Variants in SVIL observed in about 807,000 individuals in gnomAD.
The protein encoded by SVIL is supervillin.
A neutral mutation model predicts 240.4 loss-of-function variants in SVIL; 101 were observed. That is an observed-to-expected ratio of 0.42 (90% CI 0.36 to 0.50). The LOEUF is 0.50. SVIL is among the 20% of genes least tolerant of loss of function. The pLI, the probability that SVIL is intolerant of heterozygous loss-of-function variation, is 0.01. For missense variants in SVIL, 2,512 were observed against 2,818.7 expected, an observed-to-expected ratio of 0.89 and a Z score of 2.46; for synonymous variants, 999 against 1,100.0, an observed-to-expected ratio of 0.91 and a Z score of 1.82.
chr10:29,715,756 G>A (rs1963575981), intron 1 of SVIL, among the ~76,000 whole-genome samples: 1 of 152,182 alleles, frequency 6.6e-6, no homozygotes, highest in African/African-American at 2.4e-5. Flanking sequence ...AGTGCCATGG[G>A]ACAAGGCAAG....
chr10:29,458,583 C>G lies in SVIL; in HGVS notation c.6409G>C (p.Glu2137Gln). Residue 2137 changes from glutamate (E) to glutamine (Q), a missense_variant, in exon 37 of 38, where the codon GAA becomes CAA. Coordinates refer to ENST00000355867, the MANE Select transcript of SVIL (RefSeq NM_021738.3). ...ACGAGGGTGATCTGATTGGAAACTTCCGTGTCCTAGAGAAGAGGAGGGGGC... is the reference window on the plus strand; with the variant it reads ...ACGAGGGTGATCTGATTGGAAACTTGCGTGTCCTAGAGAAGAGGAGGGGGC... ...DIAEITEMDTEVSNQITLVED... is the reference protein window; with the variant it reads ...DIAEITEMDTQVSNQITLVED... 6.2e-7 allele frequency: 1 copy of G among 1,612,458 alleles called. No homozygotes were observed. The highest frequency in any genetic ancestry group is 8.5e-7 in the Non-Finnish European group (1 of 1,179,432).
rs186129603 is a variant in SVIL at position 29,693,507 on chromosome 10, G to A, written c.-399-6856C>T. ...ATTTAAACTTTGCGTTGAAAGGGCA[G>A]TAAGTTCCTAGAGATGCCTGGAAAA... is the stretch of plus-strand genomic sequence containing the variant. On this transcript the variant is annotated intron_variant, in intron 1 of 35. Coordinates refer to the SVIL transcript ENST00000375400. Among the ~76,000 whole-genome samples the A allele has an allele frequency of 2.5e-3, 381 of 152,296 alleles. 2 individuals carry two copies. Among genetic ancestry groups the A allele is most frequent in the African/African-American group, 8.8e-3 (364 of 41,554 alleles).
chr10:29,605,013 T>C (rs939894700), intron 1 of SVIL, among the ~76,000 whole-genome samples: 1 of 152,252 alleles, frequency 6.6e-6, no homozygotes, highest in African/African-American at 2.4e-5. Context: ...GCGGGAATAC[T>C]GTTATTTGTT....
intron 29 of SVIL, among the ~76,000 whole-genome samples, chr10:29,478,717 T>C (rs958743750): frequency 4.0e-5 from 6 of 151,806 alleles, no homozygotes; most frequent in Non-Finnish European, 7.4e-5. Flanking sequence ...GCCCAGGAGT[T>C]TGAGACCAGC....
At chr10:29,466,056 GACAT>G (rs1319687334) in intron 33 of SVIL, among the ~76,000 whole-genome samples, 5 of 151,862 alleles carry the variant, frequency 3.3e-5, no homozygotes, top group Non-Finnish European at 4.4e-5. Context: ...TACATGAAGG[GACAT>G]ACATAAGGAA....
At chr10:29,514,784 A>G (rs1177359448) in intron 16 of SVIL, among the ~76,000 whole-genome samples, 1 of 152,234 alleles carries the variant, frequency 6.6e-6, no homozygotes, top group African/African-American at 2.4e-5. Flanking sequence ...GGAACTGGTC[A>G]GATGATCTCT....
Position 29,529,745 on chromosome 10 carries a change from T to A in SVIL, c.2206A>T (p.Thr736Ser). 3 of 1,613,386 alleles carry A rather than the reference T, an allele frequency of 1.9e-6. No homozygotes were observed. Among genetic ancestry groups the A allele is most frequent in the Non-Finnish European group, 1.7e-6 (2 of 1,179,706 alleles). Residue 736 changes from threonine to serine, a missense_variant, in exon 12 of 38, where the codon ACC (threonine) becomes TCC (serine). By Grantham distance (58) the Thr-to-Ser change is moderately conservative. Transcript: ENST00000355867. ...ACCTCTTCAGTGGTGATGGGCTGGG[T>A]GAGGGACCTGTCCTGCAGACGGCGT... ...RLRRLQDRSLTQPITTEEVVI... is the reference protein window; with the variant it reads ...RLRRLQDRSLSQPITTEEVVI...
chr10:29,553,440 G>A (rs1953575580), intron 5 of SVIL, among the ~76,000 whole-genome samples: 1 of 152,120 alleles, frequency 6.6e-6, no homozygotes, highest in Non-Finnish European at 1.5e-5. Flanking sequence ...AATTAGCCCG[G>A]TATGGTGGCG....
intron 3 of SVIL, among the ~76,000 whole-genome samples, chr10:29,656,098 T>C (rs1267899527): frequency 6.6e-6 from 1 of 151,910 alleles, no homozygotes; most frequent in African/African-American, 2.4e-5. Flanking sequence ...CTCGATCTCC[T>C]GACCTCATGA....
chr10:29,691,474 G>C (rs1026886743), intron 1 of SVIL, among the ~76,000 whole-genome samples: 2 of 152,184 alleles, frequency 1.3e-5, no homozygotes, highest in Non-Finnish European at 2.9e-5. Context: ...GCCTCCCAAA[G>C]TGCTGGGATT....
chr10:29,496,462 G>T (rs1425940155), intron 18 of SVIL: 1 of 453,456 alleles, frequency 2.2e-6, no homozygotes. Flanking sequence ...TAACTCCGCA[G>T]CTAATGAACA....
At chr10:29,600,840 G>T (rs1956784815) in intron 1 of SVIL, among the ~76,000 whole-genome samples, 1 of 152,096 alleles carries the variant, frequency 6.6e-6, no homozygotes, top group African/African-American at 2.4e-5. Context: ...CTCTTCAAGG[G>T]ACCCGTGCTA....
intron 27 of SVIL, chr10:29,483,143 G>T (rs959059640): frequency 1.3e-5 from 2 of 152,172 alleles, no homozygotes; most frequent in African/African-American, 4.8e-5. Flanking sequence ...CTGAATGACT[G>T]TTTGTTATGT....
At chr10:29,601,650 G>A (rs1184658756) in intron 1 of SVIL, among the ~76,000 whole-genome samples, 1 of 152,218 alleles carries the variant, frequency 6.6e-6, no homozygotes, top group Non-Finnish European at 1.5e-5. Context: ...GAGAGTAAGA[G>A]CCTGGGCTCA....
At chr10:29,586,923 T>G (rs1008892159) in intron 1 of SVIL, among the ~76,000 whole-genome samples, 5 of 152,078 alleles carry the variant, frequency 3.3e-5, no homozygotes, top group African/African-American at 1.2e-4. Context: ...GAGAAGATTA[T>G]GAAAAATAAC....
intron 2 of SVIL, among the ~76,000 whole-genome samples, chr10:29,678,997 G>C (rs1378949779): frequency 6.6e-6 from 1 of 152,186 alleles, no homozygotes; most frequent in African/African-American, 2.4e-5. Flanking sequence ...ACAGAGGTCA[G>C]GAGTTCGAGA....
upstream of SVIL, among the ~76,000 whole-genome samples, chr10:29,736,175 A>C (rs1299767243): frequency 2.0e-5 from 3 of 151,702 alleles, no homozygotes; most frequent in Non-Finnish European, 4.4e-5. Flanking sequence ...CAGGACACGA[A>C]CTCGCGCCCG....
At chr10:29,704,943 C>T (rs539095928) in intron 1 of SVIL, among the ~76,000 whole-genome samples, 4 of 152,126 alleles carry the variant, frequency 2.6e-5, no homozygotes, top group African/African-American at 4.8e-5. Flanking sequence ...AATTACTTCT[C>T]GCTTATGTAA....
At chr10:29,539,580 C>T (rs1474596276) in intron 6 of SVIL, among the ~76,000 whole-genome samples, 1 of 152,210 alleles carries the variant, frequency 6.6e-6, no homozygotes, top group Non-Finnish European at 1.5e-5. Context: ...CAACAGTGAA[C>T]ACGCTGTCCT....
Sources: allele counts gnomAD v4.1 joint callset (sites outside exome capture counted in the v4.1 genomes callset), GRCh38; gene constraint gnomAD v4.1.1; transcripts MANE v1.5; gene names NCBI Gene and HGNC (gene_info 2026-07-23, HGNC 2026-07-21).